Variants in FBXL2 observed in about 807,000 individuals in gnomAD.
The protein encoded by FBXL2 is F-box/LRR-repeat protein 2.
In FBXL2, 38 loss-of-function variants were observed where a neutral mutation model predicts 69.2. That is an observed-to-expected ratio of 0.55 (90% CI 0.42 to 0.72). The LOEUF is 0.72. Ranked by LOEUF, FBXL2 falls within the 30% of genes least tolerant of loss-of-function variation. The pLI is 0.00. For synonymous variants in FBXL2, 192 were observed against 201.3 expected, an observed-to-expected ratio of 0.95 and a Z score of 0.39; for missense variants, 354 against 520.3, an observed-to-expected ratio of 0.68 and a Z score of 3.11.
chr3:33,386,451 G>T lies in FBXL2; in HGVS notation c.*843G>T, dbSNP rs980084218. On this transcript the variant is annotated 3_prime_UTR_variant, in exon 15 of 15. Coordinates refer to ENST00000484457, the MANE Select transcript of FBXL2 (RefSeq NM_012157.5). ...AAGTTATCTGTAGTATAATCAATTA[G>T]AAGTAATGAATGGATGCATGTAAAA... The T allele has an allele frequency of 1.3e-5, 2 of 152,024 alleles. No homozygotes were observed. The highest frequency in any genetic ancestry group is 2.9e-5 in the Non-Finnish European group (2 of 68,008). 9.4% of individuals were successfully genotyped at this position (152,024 alleles called of 1,614,324 possible).
downstream of FBXL2, among the ~76,000 whole-genome samples, chr3:33,406,304 T>C (rs924580793): frequency 4.6e-5 from 7 of 152,150 alleles, no homozygotes; most frequent in Non-Finnish European, 1.0e-4. Flanking sequence ...TTACAAAGTA[T>C]CACCTCCTCA....
At chr3:33,306,341 G>A (rs958147744) in intron 2 of FBXL2, among the ~76,000 whole-genome samples, 6 of 152,014 alleles carry the variant, frequency 3.9e-5, no homozygotes, top group East Asian at 3.9e-4. Flanking sequence ...TAGACACCAC[G>A]TAAGTCAATA....
chr3:33,408,929 A>C, the FBXL2 span: 1 of 962,296 alleles, frequency 1.0e-6, no homozygotes, highest in Non-Finnish European at 1.6e-6. Flanking sequence ...AAAAAAATGC[A>C]AAACCCCAGC....
intron 2 of FBXL2, among the ~76,000 whole-genome samples, chr3:33,357,809 G>A (rs952149815): frequency 9.2e-5 from 14 of 152,110 alleles, no homozygotes; most frequent in African/African-American, 1.9e-4. Context: ...GATTACAGGC[G>A]TGAGCCACCG....
the FBXL2 span, among the ~76,000 whole-genome samples, chr3:33,419,615 G>GGA: frequency 7.0e-6 from 1 of 143,782 alleles, no homozygotes; most frequent in Non-Finnish European, 1.5e-5. Context: ...GCAACAAGAG[G>GGA]GAGACTCCAT....
chr3:33,392,779 C>T, downstream of FBXL2: 1 of 629,580 alleles, frequency 1.6e-6, no homozygotes, highest in Non-Finnish European at 2.7e-6. Flanking sequence ...ACGTGCTGCA[C>T]TGCCTTGTGT....
At chr3:33,409,213 A>T in the FBXL2 span, 3 of 1,610,362 alleles carry the variant, frequency 1.9e-6, no homozygotes, top group Non-Finnish European at 1.7e-6. Context: ...TCTCTTCCAA[A>T]ACCAAATGCT....
intron 10 of FBXL2, among the ~76,000 whole-genome samples, chr3:33,376,703 T>C (rs573971293): frequency 3.3e-5 from 5 of 152,286 alleles, no homozygotes; most frequent in African/African-American, 9.6e-5. Flanking sequence ...TTTAAATGTG[T>C]TTAAAAAGTG....
intron 2 of FBXL2, among the ~76,000 whole-genome samples, chr3:33,337,059 G>C (rs2039643924): frequency 6.6e-6 from 1 of 151,804 alleles, no homozygotes; most frequent in Admixed American, 6.6e-5. Flanking sequence ...CAAAAAATCA[G>C]CTGGACGTGG....
chr3:33,336,290 A>G (rs1167395734), intron 2 of FBXL2, among the ~76,000 whole-genome samples: 1 of 152,196 alleles, frequency 6.6e-6, no homozygotes, highest in African/African-American at 2.4e-5. Flanking sequence ...ACAGACCCCC[A>G]TATAAGGATC....
In FBXL2 at chr3:33,386,960, C is replaced by A. The variant is rs2043481290; in HGVS notation, c.*1352C>A. 6.6e-6 allele frequency: 1 copy of A among 152,012 alleles called. No homozygotes were observed. Among genetic ancestry groups the A allele is most frequent in the Admixed American group, 6.6e-5 (1 of 15,258 alleles). The allele number at this position is 152,012 out of a possible 1,614,324, so 9.4% of individuals were successfully genotyped here. A position where few individuals can be genotyped will look rare whatever the true frequency, so the allele number is the denominator to read the frequency against. The stretch of plus-strand genomic sequence containing the variant: ...AGATGTGTTCCCATGACTACCAATA[C>A]CTTTATTAGGCAGTTTTAGAAGTGT... On this transcript the variant is annotated 3_prime_UTR_variant, in exon 15 of 15. Transcript: ENST00000484457.
intron 13 of FBXL2, chr3:33,382,894 C>T (rs1481099615): frequency 1.3e-5 from 2 of 152,294 alleles, no homozygotes; most frequent in African/African-American, 4.8e-5. Flanking sequence ...CCATCTGCAT[C>T]TACATGCGTC....
intron 2 of FBXL2, among the ~76,000 whole-genome samples, chr3:33,353,076 A>T (rs1400410576): frequency 6.6e-6 from 1 of 152,238 alleles, no homozygotes; most frequent in Non-Finnish European, 1.5e-5. Flanking sequence ...AATTAAGACA[A>T]TGAGATACCA....
At chr3:33,411,130 A>G in the FBXL2 span, among the ~76,000 whole-genome samples, 4 of 152,128 alleles carry the variant, frequency 2.6e-5, no homozygotes, top group African/African-American at 9.7e-5. Context: ...AAACTACTAA[A>G]AACTGCTAAA....
the FBXL2 span, among the ~76,000 whole-genome samples, chr3:33,419,838 A>G: frequency 4.6e-5 from 7 of 152,352 alleles, no homozygotes; most frequent in South Asian, 8.3e-4. Context: ...TAACTGAAAT[A>G]TAAAGAAGGA....
At chr3:33,348,168 A>G (rs1001440611) in intron 2 of FBXL2, among the ~76,000 whole-genome samples, 2 of 152,162 alleles carry the variant, frequency 1.3e-5, no homozygotes, top group Non-Finnish European at 1.5e-5. Context: ...TCTTAGATTT[A>G]AGTCTTTAAT....
At position 33,297,740 on chromosome 3, in the gene FBXL2, A is replaced by G; in HGVS notation, c.65+15A>G. 6.9e-7 allele frequency: 1 copy of G among 1,452,830 alleles called. No individual in the cohort carries two copies. The highest frequency in any genetic ancestry group is 9.6e-7 in the Non-Finnish European group (1 of 1,046,422). The allele number at this position is 1,452,830 out of a possible 1,614,324, so 90.0% of individuals were successfully genotyped here. ...CTTCTGTTAAGGTAAATGTAGATAA[A>G]TTCTGGATGAAGAGTTTAGATCTGA... On this transcript the variant is annotated intron_variant, in intron 2 of 14. Coordinates refer to ENST00000484457, the MANE Select transcript of FBXL2 (RefSeq NM_012157.5).
At chr3:33,310,982 G>GGCTATA (rs1338483153) in intron 2 of FBXL2, among the ~76,000 whole-genome samples, 3 of 152,000 alleles carry the variant, frequency 2.0e-5, no homozygotes, top group Non-Finnish European at 4.4e-5. Context: ...TCACCATGAT[G>GGCTATA]GCTAGGCTGG....
At chr3:33,325,556 G>T (rs553451228) in intron 2 of FBXL2, among the ~76,000 whole-genome samples, 6 of 152,232 alleles carry the variant, frequency 3.9e-5, no homozygotes, top group African/African-American at 1.4e-4. Context: ...TAATCATGTG[G>T]TTTTTGTCAT....
Sources: gnomAD v4.1 joint callset for allele counts (sites outside exome capture counted in the v4.1 genomes callset) on GRCh38, gnomAD v4.1.1 for gene constraint, MANE v1.5 for transcripts, NCBI Gene and HGNC (gene_info 2026-07-23, HGNC 2026-07-21) for gene names.